DPH6: variants seen among roughly 807,000 people sequenced by gnomAD.
The protein encoded by DPH6 is diphthine--ammonia ligase.
Under a neutral mutation model 38.2 loss-of-function variants are expected in DPH6, and 33 were observed. That is an observed-to-expected ratio of 0.86 (90% CI 0.65 to 1.15). DPH6 has a LOEUF of 1.15. Among genes scored for constraint, DPH6 ranks in the 50% most tolerant of loss-of-function variants. The probability of loss-of-function intolerance (pLI) is 0.00; values close to 1 mark genes in which losing one functional copy is unlikely to be tolerated. For synonymous variants in DPH6, 108 were observed against 103.0 expected (o/e 1.05, Z -0.30); for missense variants, 325 against 320.0 (o/e 1.02, Z -0.12).
chr15:35,234,756 G>T (rs2051540123), intron 3 of DPH6, among the ~76,000 whole-genome samples: 1 of 152,202 alleles, frequency 6.6e-6, no homozygotes, highest in Non-Finnish European at 1.5e-5. Context: ...AAGTAATTCA[G>T]TATTTTTGTT....
At chr15:35,189,293 A>T in the DPH6 span, among the ~76,000 whole-genome samples, 1 of 152,154 alleles carries the variant, frequency 6.6e-6, no homozygotes, top group African/African-American at 2.4e-5. Flanking sequence ...AAATTATCCA[A>T]TTTAAAGCAA....
the DPH6 span, among the ~76,000 whole-genome samples, chr15:35,186,013 T>A: frequency 6.6e-6 from 1 of 151,998 alleles, no homozygotes; most frequent in African/African-American, 2.4e-5. Context: ...GGATTACAGG[T>A]GTGAGCCACT....
the DPH6 span, among the ~76,000 whole-genome samples, chr15:35,173,735 T>C: frequency 1.3e-5 from 2 of 152,012 alleles, no homozygotes; most frequent in African/African-American, 2.4e-5. Context: ...TTCTTTCAGC[T>C]CTCTCTTCTC....
At position 35,239,488 on chromosome 15, in the gene DPH6, G is replaced by A. The variant is rs569118133; in HGVS notation, n.201-18906C>T. Among the ~76,000 whole-genome samples, 26 of 144,058 alleles carry A rather than the reference G, an allele frequency of 1.8e-4. 2 individuals are homozygous for A. The highest frequency in any genetic ancestry group is 4.8e-4 in the African/African-American group (19 of 39,892). 94.5% of individuals were successfully genotyped at this position (144,058 alleles called of 152,430 possible). A position where few individuals can be genotyped will look rare whatever the true frequency, so the allele number is the denominator to read the frequency against. On this transcript the variant is annotated intron_variant and non_coding_transcript_variant, in intron 3 of 3. Transcript: ENST00000560386. ...CAAGGGTGTCAGACCATGCAGGGAC[G>A]CCTGCCTTGGTCCTTCACCCTTAGC...
At chr15:35,434,161 T>G (rs995993314) in intron 5 of DPH6, among the ~76,000 whole-genome samples, 3 of 152,180 alleles carry the variant, frequency 2.0e-5, no homozygotes, top group Admixed American at 1.3e-4. Flanking sequence ...GAGTCAAAGG[T>G]CAGTCGTTTC....
At chr15:35,374,901 A>G (rs372904361) in intron 7 of DPH6, among the ~76,000 whole-genome samples, 1 of 151,980 alleles carries the variant, frequency 6.6e-6, no homozygotes, top group Non-Finnish European at 1.5e-5. Context: ...TGTTAGCCCT[A>G]ATCTTACTGT....
chr15:35,268,048 T>C (rs2051794502), intron 3 of DPH6, among the ~76,000 whole-genome samples: 2 of 152,054 alleles, frequency 1.3e-5, no homozygotes, highest in Admixed American at 1.3e-4. Context: ...CAGGCGCCTG[T>C]AGTCCCTGCT....
intron 6 of DPH6, among the ~76,000 whole-genome samples, chr15:35,392,258 C>A (rs1265932775): frequency 1.3e-5 from 2 of 152,054 alleles, no homozygotes; most frequent in African/African-American, 2.4e-5. Flanking sequence ...ATGGTAGCTC[C>A]ATTGGAATAC....
rs539097498 is a variant in DPH6, at chr15:35,335,055, C to T, written n.208-3978G>A. ...GCATTCCTTTTTCTCCACAACCTTG[C>T]CAGTATCTCTTGTTTTTTGACTTTT... On this transcript the variant is annotated intron_variant and non_coding_transcript_variant, in intron 3 of 3. Coordinates refer to the DPH6 transcript ENST00000558973. Among the ~76,000 whole-genome samples, 26 of 152,162 alleles carry T rather than the reference C, an allele frequency of 1.7e-4. 2 individuals carry two copies. In the South Asian group the frequency reaches 5.4e-3, roughly 32 times the overall value.
At chr15:35,446,529 A>G (rs1244374212) in intron 5 of DPH6, among the ~76,000 whole-genome samples, 3 of 152,096 alleles carry the variant, frequency 2.0e-5, no homozygotes, top group African/African-American at 7.2e-5. Flanking sequence ...TCTCTTCCTT[A>G]TAATTGTCTT....
At chr15:35,274,072 C>T (rs988280578) in intron 3 of DPH6, among the ~76,000 whole-genome samples, 10 of 151,962 alleles carry the variant, frequency 6.6e-5, no homozygotes, top group South Asian at 2.1e-4. Context: ...CCAATGGAAC[C>T]GAATAGAGAC....
chr15:35,305,420 G>A (rs1207058431), intron 3 of DPH6, among the ~76,000 whole-genome samples: 1 of 151,706 alleles, frequency 6.6e-6, no homozygotes, highest in African/African-American at 2.4e-5. Flanking sequence ...TCCAAATCTC[G>A]TATGTTTTTA....
chr15:35,170,498 T>C, the DPH6 span, among the ~76,000 whole-genome samples: 1 of 152,166 alleles, frequency 6.6e-6, no homozygotes, highest in Non-Finnish European at 1.5e-5. Context: ...TGAAGCCAGA[T>C]TTACATTGGG....
the DPH6 span, among the ~76,000 whole-genome samples, chr15:35,175,469 C>T: frequency 6.6e-6 from 1 of 152,176 alleles, no homozygotes; most frequent in Admixed American, 6.5e-5. Context: ...AACCTAATTC[C>T]ATACCAAACA....
intron 6 of DPH6, among the ~76,000 whole-genome samples, chr15:35,387,009 A>G (rs377673536): frequency 6.6e-6 from 1 of 152,288 alleles, no homozygotes; most frequent in Admixed American, 6.5e-5. Context: ...ATCTTGAATT[A>G]ATTTTTGTAT....
Position 35,452,786 on chromosome 15 carries a change from C to T in DPH6, c.386+1961G>A, listed in dbSNP as rs930431785. On this transcript the variant is annotated intron_variant, in intron 4 of 8. Coordinates refer to ENST00000256538, the MANE Select transcript of DPH6 (RefSeq NM_080650.4). ...AGAATGTAAAGTGTTTAATAGATGT[C>T]ACAAGTTCAAATTCAGCAGTGATTT... Among the ~76,000 whole-genome samples, 6 of 152,222 alleles carry T rather than the reference C, an allele frequency of 3.9e-5. No homozygotes were observed. The South Asian group carries it at 1.2e-3, about 32-fold the overall frequency.
At chr15:35,172,463 C>T in the DPH6 span, among the ~76,000 whole-genome samples, 2 of 152,128 alleles carry the variant, frequency 1.3e-5, no homozygotes, top group Non-Finnish European at 2.9e-5. Flanking sequence ...TCTGTATGTT[C>T]AATTCAATGT....
At chr15:35,533,514 G>A (rs1285083742) in intron 3 of DPH6, among the ~76,000 whole-genome samples, 2 of 151,996 alleles carry the variant, frequency 1.3e-5, no homozygotes, top group African/African-American at 4.8e-5. Context: ...TACCTCTACA[G>A]AAAGTAGAGG....
intron 3 of DPH6, among the ~76,000 whole-genome samples, chr15:35,317,657 G>A (rs2052204957): frequency 6.6e-6 from 1 of 150,530 alleles, no homozygotes; most frequent in Non-Finnish European, 1.5e-5. Flanking sequence ...AATGAAATAT[G>A]ACAGAAAGAA....
Sources: gnomAD v4.1 joint callset for allele counts (sites outside exome capture counted in the v4.1 genomes callset) on GRCh38, gnomAD v4.1.1 for gene constraint, MANE v1.5 for transcripts, NCBI Gene and HGNC (gene_info 2026-07-23, HGNC 2026-07-21) for gene names.